The following NRG3 variants were observed in gnomAD, a reference collection of about 807,000 sequenced individuals.
NRG3 encodes the protein neuregulin 3, also known as pro-neuregulin-3, membrane-bound isoform.
A neutral mutation model predicts 66.9 loss-of-function variants in NRG3; 31 were observed. The observed-to-expected ratio is 0.46, with a 90% CI of 0.35 to 0.63. NRG3 has a LOEUF of 0.63. Among genes scored for constraint, NRG3 ranks in the 20% least tolerant of loss-of-function variants. NRG3 has a pLI of 0.00. For synonymous variants in NRG3, 393 were observed against 359.4 expected (o/e 1.09, Z -1.06); for missense variants, 910 against 878.9 (o/e 1.04, Z -0.45).
chr10:82,304,566 C>T (rs1340857341), intron 1 of NRG3, among the ~76,000 whole-genome samples: 2 of 152,022 alleles, frequency 1.3e-5, no homozygotes, highest in African/African-American at 4.8e-5. Flanking sequence ...GATTTTGAGA[C>T]ATTGTACTGT....
chr10:82,074,403 A>G (rs2064977708), intron 1 of NRG3, among the ~76,000 whole-genome samples: 2 of 152,206 alleles, frequency 1.3e-5, no homozygotes, highest in Admixed American at 1.3e-4. Context: ...ATCAGAACTC[A>G]TTGGATTGTT....
At chr10:82,016,490 A>G (rs1467499249) in intron 1 of NRG3, among the ~76,000 whole-genome samples, 1 of 151,874 alleles carries the variant, frequency 6.6e-6, no homozygotes, top group African/African-American at 2.4e-5. Flanking sequence ...GGCATGAGCT[A>G]AGGCTCAATG....
intron 2 of NRG3, among the ~76,000 whole-genome samples, chr10:82,512,884 A>G (rs1338284722): frequency 2.0e-5 from 3 of 152,324 alleles, no homozygotes; most frequent in East Asian, 3.9e-4. Flanking sequence ...TCACAAAGAT[A>G]CCAATAATTG....
intron 4 of NRG3, among the ~76,000 whole-genome samples, chr10:82,920,603 T>G (rs1846333032): frequency 6.6e-6 from 1 of 152,130 alleles, no homozygotes; most frequent in South Asian, 2.1e-4. Flanking sequence ...CTAAAACTAT[T>G]TTCCAATTTT....
intron 2 of NRG3, among the ~76,000 whole-genome samples, chr10:82,719,395 A>G (rs192650217): frequency 6.6e-6 from 1 of 152,334 alleles, no homozygotes; most frequent in Admixed American, 6.5e-5. Flanking sequence ...AATGTATGCT[A>G]TATAGAATAT....
At chr10:82,012,622 A>G (rs1328444828) in intron 1 of NRG3, among the ~76,000 whole-genome samples, 3 of 152,190 alleles carry the variant, frequency 2.0e-5, no homozygotes, top group Non-Finnish European at 4.4e-5. Context: ...TTGTGAATAC[A>G]TAAAACTGAA....
chr10:82,397,316 A>T (rs2086777335), intron 2 of NRG3, among the ~76,000 whole-genome samples: 1 of 152,174 alleles, frequency 6.6e-6, no homozygotes, highest in Non-Finnish European at 1.5e-5. Flanking sequence ...CGGGAAGAAA[A>T]AGGTGCTCCC....
chr10:81,974,822 G>A (rs1206972494), intron 1 of NRG3, among the ~76,000 whole-genome samples: 2 of 152,066 alleles, frequency 1.3e-5, no homozygotes, highest in Non-Finnish European at 2.9e-5. Context: ...AACAACTTAA[G>A]TAATTGTTAC....
At chr10:82,674,196 C>T (rs1392618402) in intron 2 of NRG3, among the ~76,000 whole-genome samples, 1 of 151,942 alleles carries the variant, frequency 6.6e-6, no homozygotes, top group East Asian at 1.9e-4. Context: ...GATATGCACA[C>T]CAGGAAAATA....
intron 3 of NRG3, among the ~76,000 whole-genome samples, chr10:82,741,370 C>T (rs1172300929): frequency 1.3e-5 from 2 of 152,090 alleles, no homozygotes; most frequent in Admixed American, 6.5e-5. Flanking sequence ...CCTTTTCCGA[C>T]GTTAGCAGAT....
chr10:82,305,776 A>T lies in NRG3; in HGVS notation c.824-52963A>T, dbSNP rs2080691286. Among the ~76,000 whole-genome samples the T allele has an allele frequency of 2.0e-5, 3 of 152,290 alleles. No homozygotes were observed. In the South Asian group the frequency reaches 6.2e-4, roughly 32 times the overall value. On this transcript the variant is annotated intron_variant, in intron 1 of 8. Coordinates refer to ENST00000372141, the MANE Select transcript of NRG3 (RefSeq NM_001010848.4). ...GTTCATTCTCTTGGATTTTCTACTT[A>T]TACAATTCTAACTGCTGTAAATAGT...
intron 1 of NRG3, among the ~76,000 whole-genome samples, chr10:81,951,478 A>G (rs1221262098): frequency 6.6e-6 from 1 of 152,128 alleles, no homozygotes; most frequent in African/African-American, 2.4e-5. Flanking sequence ...CTGAGCTTAT[A>G]CACACACACA....
At chr10:82,161,359 CT>C (rs2071583130) in intron 1 of NRG3, among the ~76,000 whole-genome samples, 1 of 152,080 alleles carries the variant, frequency 6.6e-6, no homozygotes, top group Non-Finnish European at 1.5e-5. Context: ...AACACAAGTC[CT>C]GAGTTCCAAC....
At chr10:82,352,824 G>A (rs1010774302) in intron 1 of NRG3, among the ~76,000 whole-genome samples, 4 of 151,782 alleles carry the variant, frequency 2.6e-5, no homozygotes, top group South Asian at 2.1e-4. Context: ...GGTCTTCATC[G>A]TAAGAGCCGA....
At chr10:81,981,268 C>T (rs1037995681) in intron 1 of NRG3, among the ~76,000 whole-genome samples, 26 of 151,974 alleles carry the variant, frequency 1.7e-4, no homozygotes, top group Admixed American at 1.5e-3. Flanking sequence ...GTACAAGTTC[C>T]GTATATTGAA....
chr10:82,074,913 A>G (rs766039821), intron 1 of NRG3, among the ~76,000 whole-genome samples: 20 of 152,200 alleles, frequency 1.3e-4, no homozygotes, highest in Non-Finnish European at 1.9e-4. Flanking sequence ...GACTTTATCA[A>G]ACCTGTCTTT....
intron 1 of NRG3, among the ~76,000 whole-genome samples, chr10:82,240,346 A>C (rs1564700028): frequency 6.6e-6 from 1 of 152,226 alleles, no homozygotes; most frequent in African/African-American, 2.4e-5. Flanking sequence ...TTTTCCAAAT[A>C]TGAAGATGAA....
chr10:82,880,675 C>A (rs1842223992), intron 4 of NRG3, among the ~76,000 whole-genome samples: 1 of 152,148 alleles, frequency 6.6e-6, no homozygotes, highest in African/African-American at 2.4e-5. Flanking sequence ...AGGCCCTCAG[C>A]TGTAGAAGGT....
At chr10:82,794,718 T>C (rs1310417579) in intron 3 of NRG3, among the ~76,000 whole-genome samples, 1 of 152,126 alleles carries the variant, frequency 6.6e-6, no homozygotes, top group Non-Finnish European at 1.5e-5. Flanking sequence ...TGTCACAAAA[T>C]TCATCTTGGG....
Sources: gnomAD v4.1 joint callset for allele counts (sites outside exome capture counted in the v4.1 genomes callset) on GRCh38, gnomAD v4.1.1 for gene constraint, MANE v1.5 for transcripts, NCBI Gene and HGNC (gene_info 2026-07-23, HGNC 2026-07-21) for gene names.